GRIA2: variants seen among roughly 807,000 people sequenced by gnomAD.
The protein encoded by GRIA2 is glutamate receptor 2.
GRIA2 carries 14 observed loss-of-function variants against 97.3 expected under a neutral mutation model. The observed-to-expected ratio is 0.14, with a 90% confidence interval of 0.10 to 0.23. The LOEUF is 0.23. Among genes scored for constraint, GRIA2 ranks in the 10% least tolerant of loss-of-function variants. The pLI, the probability that GRIA2 is intolerant of heterozygous loss-of-function variation, is 1.00. For synonymous variants in GRIA2, 412 were observed against 387.8 expected (o/e 1.06, Z -0.73); for missense variants, 558 against 1,069.8 (o/e 0.52, Z 6.67).
intron 2 of GRIA2, among the ~76,000 whole-genome samples, chr4:157,262,280 C>A (rs537725319): frequency 4.0e-4 from 61 of 152,072 alleles, no homozygotes; most frequent in African/African-American, 1.4e-3. Flanking sequence ...GGTGAACACA[C>A]CTAACTTTGC....
intron 2 of GRIA2, among the ~76,000 whole-genome samples, chr4:157,228,237 A>G (rs1729836342): frequency 1.3e-5 from 2 of 152,176 alleles, no homozygotes; most frequent in Non-Finnish European, 2.9e-5. Context: ...TCTTATCATA[A>G]CATTATAATT....
intron 2 of GRIA2, among the ~76,000 whole-genome samples, chr4:157,300,998 C>T (rs542662143): frequency 6.6e-6 from 1 of 152,280 alleles, no homozygotes; most frequent in South Asian, 2.1e-4. Flanking sequence ...CTGTTTTCAT[C>T]ACAGAAGCTA....
intron 12 of GRIA2, among the ~76,000 whole-genome samples, chr4:157,351,738 A>T (rs1736019371): frequency 6.6e-6 from 1 of 152,136 alleles, no homozygotes; most frequent in Non-Finnish European, 1.5e-5. Context: ...TTCTTGTGAT[A>T]GTGACTGAGT....
intron 11 of GRIA2, among the ~76,000 whole-genome samples, chr4:157,340,338 C>T (rs572081887): frequency 3.3e-5 from 5 of 151,952 alleles, no homozygotes; most frequent in East Asian, 1.9e-4. Context: ...TACTTAGTTA[C>T]GTGCAGAATC....
chr4:157,220,768 G>C lies in GRIA2; in HGVS notation c.-275G>C. 1 of 514,366 alleles carries C rather than the reference G, an allele frequency of 1.9e-6. No individual in the cohort carries two copies. Among genetic ancestry groups the C allele is most frequent in the Non-Finnish European group, 3.5e-6 (1 of 284,672 alleles). 31.9% of individuals were successfully genotyped at this position (514,366 alleles called of 1,614,324 possible). On this transcript the variant is annotated 5_prime_UTR_variant, in exon 1 of 16. Coordinates refer to ENST00000264426, the MANE Select transcript of GRIA2 (RefSeq NM_001083619.3). ...CATGGGAGGGTGCTGAATATTCCGAGACACTGGGACCACAGCGGCAGCTCC... is the reference window on the plus strand; with the variant it reads ...CATGGGAGGGTGCTGAATATTCCGACACACTGGGACCACAGCGGCAGCTCC...
chr4:157,344,919 C>T (rs1443380911), intron 12 of GRIA2, among the ~76,000 whole-genome samples: 1 of 152,006 alleles, frequency 6.6e-6, no homozygotes, highest in South Asian at 2.1e-4. Flanking sequence ...ATTTGGAACT[C>T]CTAGTCTTTT....
At chr4:157,234,845 T>C (rs1443934142) in intron 2 of GRIA2, among the ~76,000 whole-genome samples, 1 of 152,136 alleles carries the variant, frequency 6.6e-6, no homozygotes, top group Non-Finnish European at 1.5e-5. Context: ...TCAGAGATTA[T>C]TTCTCTTAGG....
At chr4:157,250,273 A>T (rs1216942245) in intron 2 of GRIA2, among the ~76,000 whole-genome samples, 3 of 152,122 alleles carry the variant, frequency 2.0e-5, no homozygotes, top group Non-Finnish European at 4.4e-5. Context: ...CTTGATGAAA[A>T]ATCTTATTTA....
intron 3 of GRIA2, among the ~76,000 whole-genome samples, chr4:157,309,496 C>T (rs756433594): frequency 2.0e-5 from 3 of 151,852 alleles, no homozygotes; most frequent in East Asian, 1.9e-4. Context: ...GGATTACAGG[C>T]GCCTGCCACC....
chr4:157,266,381 G>A (rs920635017), intron 2 of GRIA2, among the ~76,000 whole-genome samples: 3 of 152,220 alleles, frequency 2.0e-5, no homozygotes, highest in African/African-American at 7.2e-5. Flanking sequence ...ATGGTCAACA[G>A]AGTAGGTGAA....
chr4:157,353,353 A>AAAAAC (rs546180738), intron 12 of GRIA2, among the ~76,000 whole-genome samples: 23 of 150,198 alleles, frequency 1.5e-4, no homozygotes, highest in African/African-American at 3.4e-4. Context: ...ACTCTGTCTC[A>AAAAAC]AAAACAAAAC....
Position 157,246,953 on chromosome 4 carries a change from A to G in GRIA2, c.229+25146A>G, listed in dbSNP as rs368418242. 6.6e-5 allele frequency among the ~76,000 whole-genome samples: 10 copies of G among 152,242 alleles called. No homozygotes were observed. In the East Asian group the frequency reaches 9.7e-4, roughly 15 times the overall value. ...AAACTAGTGGTAAAAAATGAAGGCTATTTCCTTTTGCAGTGATATTTCATA... is the reference window on the plus strand; with the variant it reads ...AAACTAGTGGTAAAAAATGAAGGCTGTTTCCTTTTGCAGTGATATTTCATA... On this transcript the variant is annotated intron_variant, in intron 2 of 15. Coordinates refer to ENST00000264426, the MANE Select transcript of GRIA2 (RefSeq NM_001083619.3).
intron 12 of GRIA2, among the ~76,000 whole-genome samples, chr4:157,356,153 TTATTTATATA>T (rs1295258057): frequency 7.7e-4 from 102 of 132,558 alleles, no homozygotes; most frequent in East Asian, 4.5e-3. Context: ...TTATATTTAT[TTATTTATATA>T]TATTTATATA....
Position 157,332,815 on chromosome 4 carries a change from G to A in GRIA2, c.883-4G>A. On this transcript the variant is annotated splice_polypyrimidine_tract_variant and splice_region_variant and intron_variant, in intron 6 of 15. Transcript: ENST00000264426. ...TCTTATGAAATGTGTGTGATCCTTT[G>A]CAGTATACTTCTGCTCTGACCTATG... The A allele has an allele frequency of 6.2e-7, 1 of 1,607,458 alleles. No individual in the cohort carries two copies. The highest frequency in any genetic ancestry group is 8.5e-7 in the Non-Finnish European group (1 of 1,175,962).
rs41280445 is a variant in GRIA2 at position 157,364,876 on chromosome 4, T to C, written c.*1445T>C. On this transcript the variant is annotated 3_prime_UTR_variant, in exon 16 of 16. Transcript: ENST00000264426. The stretch of plus-strand genomic sequence containing the variant: ...AATGGCTATTTTAATATGCCCAGTG[T>C]GGATAAAATGTCACATTTCTGTAAC... 976 of 151,866 alleles carry C rather than the reference T, an allele frequency of 6.4e-3. 4 individuals are homozygous for C. The highest frequency in any genetic ancestry group is 0.012 in the Non-Finnish European group (788 of 67,730). 9.4% of individuals were successfully genotyped at this position (151,866 alleles called of 1,614,324 possible).
chr4:157,317,060 C>T (rs1408925958), intron 4 of GRIA2, among the ~76,000 whole-genome samples: 1 of 152,200 alleles, frequency 6.6e-6, no homozygotes, highest in Non-Finnish European at 1.5e-5. Flanking sequence ...ATACTTTGCT[C>T]TCTAGAGCTG....
intron 2 of GRIA2, among the ~76,000 whole-genome samples, chr4:157,223,904 G>T (rs924103520): frequency 2.0e-5 from 3 of 152,110 alleles, no homozygotes; most frequent in Non-Finnish European, 4.4e-5. Flanking sequence ...AAAGATAAAA[G>T]ACTGTGATTA....
chr4:157,270,490 A>G (rs1209912377), intron 2 of GRIA2, among the ~76,000 whole-genome samples: 2 of 152,130 alleles, frequency 1.3e-5, no homozygotes, highest in Non-Finnish European at 2.9e-5. Flanking sequence ...AAATATCACC[A>G]AACAAATTAT....
At chr4:157,227,656 C>T (rs1729807722) in intron 2 of GRIA2, among the ~76,000 whole-genome samples, 1 of 152,116 alleles carries the variant, frequency 6.6e-6, no homozygotes, top group South Asian at 2.1e-4. Flanking sequence ...ATGTTAATGG[C>T]AGCTGGGTAG....
Sources: gnomAD v4.1 joint callset for allele counts (sites outside exome capture counted in the v4.1 genomes callset) on GRCh38, gnomAD v4.1.1 for gene constraint, MANE v1.5 for transcripts, NCBI Gene and HGNC (gene_info 2026-07-23, HGNC 2026-07-21) for gene names.